Variants in NRG3 observed in about 807,000 individuals in gnomAD.
NRG3 encodes the protein pro-neuregulin-3, membrane-bound isoform.
Under a neutral mutation model 66.9 loss-of-function variants are expected in NRG3, and 31 were observed. The ratio of observed to expected loss-of-function variants is 0.46; its 90% CI spans 0.35 to 0.63. NRG3 has a LOEUF of 0.63. Ranked by LOEUF, NRG3 falls within the 20% of genes least tolerant of loss-of-function variation. The pLI, the probability that NRG3 is intolerant of heterozygous loss-of-function variation, is 0.00. For synonymous variants in NRG3, 393 were observed against 359.4 expected, an observed-to-expected ratio of 1.09 and a Z score of -1.06; for missense variants, 910 against 878.9, an observed-to-expected ratio of 1.04 and a Z score of -0.45.
At chr10:82,306,024 G>A (rs2080704569) in intron 1 of NRG3, among the ~76,000 whole-genome samples, 1 of 152,142 alleles carries the variant, frequency 6.6e-6, no homozygotes, top group South Asian at 2.1e-4. Context: ...ATCTGTTACT[G>A]TTTTATTGAT....
chr10:82,576,592 AACTT>A (rs2046047905), intron 2 of NRG3, among the ~76,000 whole-genome samples: 1 of 151,756 alleles, frequency 6.6e-6, no homozygotes, highest in Non-Finnish European at 1.5e-5. Context: ...AAATGCTTAT[AACTT>A]AATTTATTGG....
chr10:82,046,221 C>G (rs368961215), intron 1 of NRG3, among the ~76,000 whole-genome samples: 4 of 144,316 alleles, frequency 2.8e-5, no homozygotes, highest in African/African-American at 5.1e-5. Flanking sequence ...TCTTCCATTT[C>G]TTTGTATCCT....
intron 1 of NRG3, among the ~76,000 whole-genome samples, chr10:82,047,579 C>T (rs1214083050): frequency 6.6e-6 from 1 of 151,410 alleles, no homozygotes; most frequent in Non-Finnish European, 1.5e-5. Flanking sequence ...CAGGCCTGCC[C>T]TAAAAGAGCT....
chr10:81,989,904 A>G (rs1249218136), intron 1 of NRG3, among the ~76,000 whole-genome samples: 1 of 152,186 alleles, frequency 6.6e-6, no homozygotes, highest in Non-Finnish European at 1.5e-5. Flanking sequence ...AAATCTGTCC[A>G]GAAGGTTGAC....
chr10:82,417,507 C>T (rs1234912177), intron 2 of NRG3, among the ~76,000 whole-genome samples: 4 of 152,168 alleles, frequency 2.6e-5, no homozygotes, highest in African/African-American at 9.6e-5. Context: ...TTATGTCATT[C>T]TATAAATAAT....
intron 1 of NRG3, among the ~76,000 whole-genome samples, chr10:81,911,124 G>T (rs1211847681): frequency 6.6e-6 from 1 of 152,232 alleles, no homozygotes; most frequent in Non-Finnish European, 1.5e-5. Flanking sequence ...TCATCAGTTT[G>T]GTTCATGCTG....
chr10:82,593,364 T>A (rs2047090975), intron 2 of NRG3, among the ~76,000 whole-genome samples: 2 of 152,216 alleles, frequency 1.3e-5, no homozygotes, highest in South Asian at 4.1e-4. Context: ...AAACAAATAT[T>A]ATTTGTAACA....
intron 2 of NRG3, among the ~76,000 whole-genome samples, chr10:82,592,737 A>C (rs1426642242): frequency 6.6e-6 from 1 of 152,070 alleles, no homozygotes; most frequent in Non-Finnish European, 1.5e-5. Flanking sequence ...GCTTGTGGAG[A>C]TTGGAGGAAA....
At position 82,985,599 on chromosome 10, in the gene NRG3, C is replaced by G; in HGVS notation, c.2085C>G (p.Thr695=). The change falls in exon 9 of 9, where the codon ACC becomes ACG. Residue 695 remains threonine, a synonymous_variant. Transcript: ENST00000372141. ...RNEIQRDSAL[T]K is the part of the protein sequence containing the mutation. ...AAATACAAAGAGACTCTGCATTGAC[C>G]AAGTGACTTGAGATGTAGGAATCTG... is the stretch of plus-strand genomic sequence containing the variant. 1 of 1,610,038 alleles carries G rather than the reference C, an allele frequency of 6.2e-7. No individual in the cohort carries two copies. Among genetic ancestry groups the G allele is most frequent in the Non-Finnish European group, 8.5e-7 (1 of 1,179,456 alleles).
chr10:82,816,873 G>A (rs1166134434), intron 3 of NRG3, among the ~76,000 whole-genome samples: 4 of 152,182 alleles, frequency 2.6e-5, no homozygotes, highest in Admixed American at 6.5e-5. Flanking sequence ...TTAGATACAC[G>A]TAATATCTTT....
chr10:82,600,554 C>G (rs542464092), intron 2 of NRG3, among the ~76,000 whole-genome samples: 1 of 152,158 alleles, frequency 6.6e-6, no homozygotes, highest in South Asian at 2.1e-4. Context: ...CATTGCAACC[C>G]CTGCCTCCCA....
At chr10:82,647,350 C>T (rs1021632206) in intron 2 of NRG3, among the ~76,000 whole-genome samples, 1 of 152,150 alleles carries the variant, frequency 6.6e-6, no homozygotes, top group African/African-American at 2.4e-5. Flanking sequence ...TTTTTTATGG[C>T]TGCATAGTAT....
chr10:82,447,215 C>G (rs1192348885), intron 2 of NRG3, among the ~76,000 whole-genome samples: 1 of 152,148 alleles, frequency 6.6e-6, no homozygotes, highest in Non-Finnish European at 1.5e-5. Flanking sequence ...TGCAGAGTGC[C>G]AAAACGAGCT....
intron 1 of NRG3, among the ~76,000 whole-genome samples, chr10:82,205,276 G>C (rs1240045169): frequency 6.6e-6 from 1 of 152,116 alleles, no homozygotes; most frequent in African/African-American, 2.4e-5. Context: ...ACATAGACCA[G>C]TACTACAGAT....
At chr10:82,636,842 G>C (rs1020924726) in intron 2 of NRG3, among the ~76,000 whole-genome samples, 2 of 151,720 alleles carry the variant, frequency 1.3e-5, no homozygotes, top group African/African-American at 4.8e-5. Flanking sequence ...GTGAGAGAGA[G>C]AGTGTGTGTG....
chr10:82,388,395 T>G (rs1007803690), intron 2 of NRG3, among the ~76,000 whole-genome samples: 2 of 152,174 alleles, frequency 1.3e-5, no homozygotes, highest in African/African-American at 4.8e-5. Context: ...AAATTACATC[T>G]GAGAAACTAG....
At chr10:82,710,379 A>G (rs139025045) in intron 2 of NRG3, among the ~76,000 whole-genome samples, 1,643 of 152,252 alleles carry the variant, frequency 0.011, 30 homozygotes, top group African/African-American at 0.038. Context: ...TCAGGTCGGG[A>G]GTTCGAGACT....
chr10:81,950,610 G>A (rs1667708703), intron 1 of NRG3, among the ~76,000 whole-genome samples: 1 of 152,158 alleles, frequency 6.6e-6, no homozygotes, highest in South Asian at 2.1e-4. Flanking sequence ...CATTGTACGG[G>A]AAGGTAAACT....
intron 1 of NRG3, among the ~76,000 whole-genome samples, chr10:82,237,729 A>G (rs1254057844): frequency 1.3e-5 from 2 of 152,208 alleles, no homozygotes; most frequent in Non-Finnish European, 2.9e-5. Context: ...ATAGAAATGT[A>G]TATTTCCTAA....
Sources: allele counts gnomAD v4.1 joint callset (sites outside exome capture counted in the v4.1 genomes callset), GRCh38; gene constraint gnomAD v4.1.1; transcripts MANE v1.5; gene names NCBI Gene and HGNC (gene_info 2026-07-23, HGNC 2026-07-21).